The following MYH15 variants were observed in gnomAD, a reference collection of about 807,000 sequenced individuals.
The protein encoded by MYH15 is myosin-15.
Under a neutral mutation model 240.5 loss-of-function variants are expected in MYH15, and 227 were observed. The ratio of observed to expected loss-of-function variants is 0.94; its 90% CI spans 0.85 to 1.05. The LOEUF (loss-of-function observed/expected upper bound fraction) is 1.05, where lower values mean the gene tolerates loss of function less well. MYH15 is among the 50% of genes least tolerant of loss of function. The pLI is 0.00. For missense variants in MYH15, 2,217 were observed against 2,247.5 expected, an observed-to-expected ratio of 0.99 and a Z score of 0.27; for synonymous variants, 785 against 796.7, an observed-to-expected ratio of 0.99 and a Z score of 0.25.
the MYH15 span, among the ~76,000 whole-genome samples, chr3:108,546,705 A>C: frequency 0.37 from 55,575 of 152,022 alleles, 10,597 homozygotes; most frequent in East Asian, 0.53. Context: ...TGCATTTATG[A>C]AGGGATACTT....
In MYH15 at chr3:108,499,458, A is replaced by G; in HGVS notation, c.521T>C (p.Phe174Ser). The change falls in exon 5 of 41, where the codon TTC becomes TCC. Residue 174 changes from phenylalanine to serine, a missense_variant. Phe to Ser is a radical substitution (Grantham distance 155, BLOSUM62 -2). Coordinates refer to ENST00000693548, the MANE Select transcript of MYH15 (RefSeq NM_014981.3). ...LHNRENQSIL[F>S]TGESGAGKTV... ...GAAAAACAAGGCAAACACTTACGTG[A>G]AGAGTATAGACTGATTTTCTCGATC... 6.2e-7 allele frequency: 1 copy of G among 1,613,356 alleles called. No homozygotes were observed. Among genetic ancestry groups the G allele is most frequent in the South Asian group, 1.1e-5 (1 of 90,764 alleles).
intron 9 of MYH15, among the ~76,000 whole-genome samples, chr3:108,491,686 C>A (rs2107599073): frequency 6.6e-6 from 1 of 152,236 alleles, no homozygotes; most frequent in South Asian, 2.1e-4. Flanking sequence ...TAAATCATGA[C>A]CTCCTATTGC....
chr3:108,475,857 G>A (rs2083215600), intron 12 of MYH15, among the ~76,000 whole-genome samples: 1 of 152,176 alleles, frequency 6.6e-6, no homozygotes, highest in Admixed American at 6.6e-5. Context: ...CAAAGAATTT[G>A]TTATTCTCTA....
rs1240653058 is a variant in MYH15 at position 108,529,241 on chromosome 3, CAT to C, written c.-58+20_-58+21del. ...CAGCATTCTGTTAGACAAATTAAAA[CAT>C]ATGTTGGGAGTCCACTCACCATGAT... On this transcript the variant is annotated intron_variant, in intron 1 of 41. Coordinates refer to the MYH15 transcript ENST00000273353. 2.5e-6 allele frequency: 4 copies of C among 1,598,048 alleles called. No individual in the cohort carries two copies. In the African/African-American group the frequency reaches 5.4e-5, roughly 21 times the overall value.
the MYH15 span, among the ~76,000 whole-genome samples, chr3:108,535,917 G>A: frequency 6.6e-6 from 1 of 152,172 alleles, no homozygotes; most frequent in South Asian, 2.1e-4. Context: ...TTATTTATAT[G>A]CATATTGACA....
chr3:108,510,716 T>C (rs2083516577), upstream of MYH15: 5 of 869,820 alleles, frequency 5.7e-6, no homozygotes, highest in South Asian at 2.1e-5. Flanking sequence ...GCCCCTTCTT[T>C]CTCTTCGCTA....
In MYH15 at chr3:108,383,746, A is replaced by AAAAAAAAAAAG. The variant is rs1553761704; in HGVS notation, c.5632-18_5632-17insCTTTTTTTTTT. 6.5e-7 allele frequency: 1 copy of AAAAAAAAAAAG among 1,535,500 alleles called. No individual in the cohort carries two copies. Among genetic ancestry groups the AAAAAAAAAAAG allele is most frequent in the African/African-American group, 1.4e-5 (1 of 70,724 alleles). Reference sequence around the variant, plus strand: ...TTGTGTTTCCTATAAAAATAAAAAAAAAAAAAAAGAAATCTCCATGCCTAT... The same window carrying AAAAAAAAAAAG: ...TTGTGTTTCCTATAAAAATAAAAAAAAAAAAAAAAAGAAAAAAAAGAAATCTCCATGCCTAT... On this transcript the variant is annotated splice_polypyrimidine_tract_variant and intron_variant, in intron 39 of 40. Coordinates refer to ENST00000693548, the MANE Select transcript of MYH15 (RefSeq NM_014981.3).
At chr3:108,493,048 AAGAGAAGGGAAG>A in intron 8 of MYH15, 54 bp downstream of exon 8, 52 of 1,301,472 alleles carry the variant, frequency 4.0e-5, no homozygotes, top group African/African-American at 1.3e-4. Flanking sequence ...GAAGGAAGGA[AAGAGAAGGGAAG>A]GGAAGGAAGG....
intron 27 of MYH15, among the ~76,000 whole-genome samples, chr3:108,425,063 A>G (rs1374154444): frequency 1.3e-5 from 2 of 152,238 alleles, no homozygotes; most frequent in African/African-American, 2.4e-5. Flanking sequence ...TAGATAATGC[A>G]TAAGTATAAA....
chr3:108,459,145 C>T (rs1271194522), intron 18 of MYH15, among the ~76,000 whole-genome samples: 1 of 152,088 alleles, frequency 6.6e-6, no homozygotes, highest in African/African-American at 2.4e-5. Flanking sequence ...CTAATGTTGC[C>T]CAATTGAGAC....
At chr3:108,442,922 T>A (rs775579151) in intron 22 of MYH15, among the ~76,000 whole-genome samples, 44 of 152,010 alleles carry the variant, frequency 2.9e-4, no homozygotes, top group Non-Finnish European at 5.4e-4. Context: ...TTGGGTTTGC[T>A]CTAGAGTTTG....
intron 9 of MYH15, among the ~76,000 whole-genome samples, chr3:108,491,982 T>G (rs1390859495): frequency 6.6e-6 from 1 of 152,084 alleles, no homozygotes; most frequent in African/African-American, 2.4e-5. Context: ...GGTTCACACT[T>G]GTAATCCCAG....
At chr3:108,484,709 G>A (rs1298815641) in intron 11 of MYH15, among the ~76,000 whole-genome samples, 1 of 151,978 alleles carries the variant, frequency 6.6e-6, no homozygotes, top group East Asian at 1.9e-4. Context: ...TGAACTCCTG[G>A]CCTCAAGTGA....
At chr3:108,476,175 A>G (rs552248587) in intron 12 of MYH15, among the ~76,000 whole-genome samples, 21 of 152,334 alleles carry the variant, frequency 1.4e-4, no homozygotes, top group African/African-American at 5.0e-4. Flanking sequence ...CTTGCTACCT[A>G]AGGGAAAACT....
chr3:108,494,705 G>A (rs985567839), intron 7 of MYH15, among the ~76,000 whole-genome samples: 5 of 152,062 alleles, frequency 3.3e-5, no homozygotes, highest in Non-Finnish European at 5.9e-5. Flanking sequence ...TGTTATCCAG[G>A]CTGATCTTGA....
At chr3:108,477,523 G>A (rs1243522123) in intron 11 of MYH15, among the ~76,000 whole-genome samples, 2 of 152,142 alleles carry the variant, frequency 1.3e-5, no homozygotes, top group Non-Finnish European at 2.9e-5. Flanking sequence ...TTTAAAAATT[G>A]AGATATAATT....
intron 6 of MYH15, among the ~76,000 whole-genome samples, 192 bp from the exon 7 acceptor site, chr3:108,496,064 A>T (rs944783077): frequency 3.3e-5 from 5 of 152,236 alleles, no homozygotes; most frequent in Non-Finnish European, 7.3e-5. Context: ...GGCTAACAAT[A>T]TACAATACCC....
At chr3:108,437,077 T>A (rs1480162330) in intron 25 of MYH15, among the ~76,000 whole-genome samples, 1 of 152,116 alleles carries the variant, frequency 6.6e-6, no homozygotes, top group African/African-American at 2.4e-5. Flanking sequence ...AGGTTTAATA[T>A]TTATATAGTA....
chr3:108,429,879 A>T (rs2082763452), intron 26 of MYH15, among the ~76,000 whole-genome samples: 1 of 152,196 alleles, frequency 6.6e-6, no homozygotes, highest in South Asian at 2.1e-4. Flanking sequence ...TTATCATGGG[A>T]TCCAAGAAAA....
Sources: allele counts gnomAD v4.1 joint callset (sites outside exome capture counted in the v4.1 genomes callset), GRCh38; gene constraint gnomAD v4.1.1; transcripts MANE v1.5; gene names NCBI Gene and HGNC (gene_info 2026-07-23, HGNC 2026-07-21).